ASIC2: variants seen among roughly 807,000 people sequenced by gnomAD.
The protein encoded by ASIC2 is acid-sensing ion channel 2.
Under a neutral mutation model 57.3 loss-of-function variants are expected in ASIC2, and 25 were observed. The observed-to-expected ratio is 0.44, with a 90% CI of 0.32 to 0.61. The LOEUF is 0.61. Ranked by LOEUF, ASIC2 falls within the 20% of genes least tolerant of loss-of-function variation. ASIC2 has a pLI of 0.06. For missense variants in ASIC2, 641 were observed against 738.1 expected (o/e 0.87, Z 1.52); for synonymous variants, 319 against 307.5 (o/e 1.04, Z -0.39).
At chr17:33,025,527 A>G (rs970259315) in intron 5 of ASIC2, among the ~76,000 whole-genome samples, 2 of 152,084 alleles carry the variant, frequency 1.3e-5, no homozygotes, top group Admixed American at 1.3e-4. Flanking sequence ...ACACCATCAG[A>G]GTGTGTGAGG....
At chr17:33,687,293 T>A (rs1289401340) in intron 1 of ASIC2, among the ~76,000 whole-genome samples, 1 of 152,090 alleles carries the variant, frequency 6.6e-6, no homozygotes, top group Non-Finnish European at 1.5e-5. Flanking sequence ...CCTAGGGAGT[T>A]GGAATCTGGA....
At chr17:33,858,063 T>A (rs1001383320) in intron 1 of ASIC2, among the ~76,000 whole-genome samples, 19 of 152,142 alleles carry the variant, frequency 1.2e-4, no homozygotes, top group Non-Finnish European at 1.5e-5. Context: ...AACTCTGAGC[T>A]CTAGTCATCC....
intron 1 of ASIC2, among the ~76,000 whole-genome samples, chr17:33,588,317 G>A (rs1347021131): frequency 6.6e-6 from 1 of 152,118 alleles, no homozygotes; most frequent in Non-Finnish European, 1.5e-5. Flanking sequence ...TTTGTCTGTT[G>A]CTCTGTTATC....
At chr17:33,120,484 A>G (rs2141996254) in intron 1 of ASIC2, among the ~76,000 whole-genome samples, 1 of 152,368 alleles carries the variant, frequency 6.6e-6, no homozygotes, top group South Asian at 2.1e-4. Context: ...CTCCTGGCAG[A>G]TGACACAGAG....
chr17:33,424,061 G>T (rs1911133508), intron 1 of ASIC2, among the ~76,000 whole-genome samples: 1 of 152,176 alleles, frequency 6.6e-6, no homozygotes, highest in Admixed American at 6.5e-5. Flanking sequence ...CCCAGGAGAT[G>T]CCTTGGGGGG....
intron 1 of ASIC2, among the ~76,000 whole-genome samples, chr17:33,780,629 C>T (rs571790395): frequency 9.2e-5 from 14 of 152,312 alleles, no homozygotes; most frequent in African/African-American, 3.4e-4. Context: ...ATAGTAGGTG[C>T]AGTCCAAAGG....
intron 1 of ASIC2, among the ~76,000 whole-genome samples, chr17:33,798,585 G>A (rs1362233088): frequency 6.6e-6 from 1 of 152,178 alleles, no homozygotes; most frequent in Non-Finnish European, 1.5e-5. Context: ...ATGGGGAGTA[G>A]GGTTGGCTTT....
chr17:33,243,705 C>G (rs1908592545), intron 1 of ASIC2, among the ~76,000 whole-genome samples: 1 of 152,194 alleles, frequency 6.6e-6, no homozygotes, highest in Non-Finnish European at 1.5e-5. Context: ...AGGACCCATT[C>G]TTGCTATGAT....
At chr17:34,155,373 C>A (rs1224134236) in intron 1 of ASIC2, among the ~76,000 whole-genome samples, 6 of 152,102 alleles carry the variant, frequency 3.9e-5, no homozygotes, top group South Asian at 2.1e-4. Context: ...CTCCTCTCCC[C>A]ACATGGAGCT....
Position 33,312,836 on chromosome 17 carries a change from C to T in ASIC2, c.556-200769G>A, listed in dbSNP as rs1034348221. ...CTGTAATCCTGGCTCTTCGGGAAGC[C>T]GAGGCAGGAGAATCACTTGAACCCA... On this transcript the variant is annotated intron_variant, in intron 1 of 9. Coordinates refer to the ASIC2 transcript ENST00000359872. Among the ~76,000 whole-genome samples, 5 of 151,984 alleles carry T rather than the reference C, an allele frequency of 3.3e-5. No homozygotes were observed. The South Asian group carries it at 6.2e-4, about 19-fold the overall frequency.
At chr17:33,783,712 G>GA (rs1286384623) in intron 1 of ASIC2, among the ~76,000 whole-genome samples, 2 of 152,112 alleles carry the variant, frequency 1.3e-5, no homozygotes, top group Non-Finnish European at 2.9e-5. Flanking sequence ...ATATAAGTTT[G>GA]AAAAAACATG....
intron 1 of ASIC2, among the ~76,000 whole-genome samples, chr17:33,254,281 C>T (rs1161785797): frequency 1.3e-5 from 2 of 152,188 alleles, no homozygotes; most frequent in Non-Finnish European, 2.9e-5. Flanking sequence ...CCTCTCTCTA[C>T]CTCCAGTTGT....
intron 1 of ASIC2, among the ~76,000 whole-genome samples, chr17:33,185,190 C>T (rs1429349647): frequency 1.3e-5 from 2 of 152,160 alleles, no homozygotes; most frequent in Non-Finnish European, 2.9e-5. Context: ...TTTAAAATAT[C>T]CCTTTCTTAG....
At chr17:33,360,273 C>T (rs1455129965) in intron 1 of ASIC2, among the ~76,000 whole-genome samples, 2 of 152,204 alleles carry the variant, frequency 1.3e-5, no homozygotes, top group East Asian at 1.9e-4. Flanking sequence ...ATAGAACAAC[C>T]AGCTTGCAAG....
In ASIC2 at chr17:33,348,329, C is replaced by T. The variant is rs1048738392; in HGVS notation, c.556-236262G>A. ...TGACACTAACTTCCAAAGAACTCTG[C>T]GTGTGTATGTGTGTGTGTGGAGGAG... On this transcript the variant is annotated intron_variant, in intron 1 of 9. Coordinates refer to the ASIC2 transcript ENST00000359872. 7.2e-5 allele frequency among the ~76,000 whole-genome samples: 11 copies of T among 152,022 alleles called. No individual in the cohort carries two copies. The Middle Eastern group carries it at 0.01, about 141-fold the overall frequency.
At chr17:33,309,296 T>C (rs894722546) in intron 1 of ASIC2, among the ~76,000 whole-genome samples, 1 of 152,172 alleles carries the variant, frequency 6.6e-6, no homozygotes, top group African/African-American at 2.4e-5. Flanking sequence ...ATTAAAATGA[T>C]AGTAAAAGAA....
intron 3 of ASIC2, among the ~76,000 whole-genome samples, chr17:33,059,967 A>T (rs1259741911): frequency 6.6e-6 from 1 of 152,172 alleles, no homozygotes; most frequent in Non-Finnish European, 1.5e-5. Context: ...TCTTCTGAGA[A>T]GTGTCTGTTC....
intron 1 of ASIC2, among the ~76,000 whole-genome samples, chr17:33,884,517 G>A (rs1914780533): frequency 6.6e-6 from 1 of 152,078 alleles, no homozygotes; most frequent in Admixed American, 6.6e-5. Context: ...CAGCTAAGAT[G>A]TCTTCCTCAC....
chr17:33,422,531 T>C (rs1042699728), intron 1 of ASIC2, among the ~76,000 whole-genome samples: 1 of 152,184 alleles, frequency 6.6e-6, no homozygotes, highest in Non-Finnish European at 1.5e-5. Context: ...AGTGAGGTAG[T>C]TGACAGTCCT....
Sources: allele counts gnomAD v4.1 joint callset (sites outside exome capture counted in the v4.1 genomes callset), GRCh38; gene constraint gnomAD v4.1.1; transcripts MANE v1.5; gene names NCBI Gene and HGNC (gene_info 2026-07-23, HGNC 2026-07-21).